RALA: variants seen among roughly 807,000 people sequenced by gnomAD.
RALA encodes RAS like proto-oncogene A.
Under a neutral mutation model 24.0 loss-of-function variants are expected in RALA, and 5 were observed. The observed-to-expected ratio is 0.21, with a 90% CI of 0.11 to 0.44. RALA has a LOEUF of 0.44. RALA is among the 20% of genes least tolerant of loss of function. The pLI is 0.99. For synonymous variants in RALA, 77 were observed against 83.8 expected, an observed-to-expected ratio of 0.92 and a Z score of 0.44; for missense variants, 95 against 241.2, an observed-to-expected ratio of 0.39 and a Z score of 4.01.
At chr7:39,705,985 C>T in intron 4 of RALA, 138 bp from the exon 5 acceptor site, 1 of 692,632 alleles carries the variant, frequency 1.4e-6, no homozygotes, top group African/African-American at 1.9e-5. Context: ...TAGTTTTATG[C>T]TTTCCGCTCT....
intron 1 of RALA, among the ~76,000 whole-genome samples, chr7:39,640,426 ATATCTTCTT>A (rs1791792565): frequency 6.6e-6 from 1 of 152,186 alleles, no homozygotes; most frequent in Non-Finnish European, 1.5e-5. Flanking sequence ...AGCCATTCAC[ATATCTTCTT>A]TGGTGAGATG....
intron 1 of RALA, among the ~76,000 whole-genome samples, chr7:39,629,757 G>C: frequency 6.6e-6 from 1 of 152,004 alleles, no homozygotes; most frequent in Admixed American, 6.6e-5. Context: ...CACCACGCCT[G>C]GCTAATTTTT....
chr7:39,671,372 A>AT (rs1291486234), intron 1 of RALA, among the ~76,000 whole-genome samples: 2 of 152,102 alleles, frequency 1.3e-5, no homozygotes, highest in Admixed American at 1.3e-4. Flanking sequence ...TGTTTTAGAA[A>AT]TTTTTTATAA....
intron 3 of RALA, among the ~76,000 whole-genome samples, chr7:39,691,402 C>T (rs777009491): frequency 1.9e-4 from 29 of 152,096 alleles, no homozygotes; most frequent in Non-Finnish European, 4.0e-4. Flanking sequence ...CCTCTATTTT[C>T]AAGATTCACA....
intron 4 of RALA, among the ~76,000 whole-genome samples, chr7:39,699,851 C>T (rs1792991962): frequency 6.6e-6 from 1 of 152,194 alleles, no homozygotes; most frequent in African/African-American, 2.4e-5. Context: ...TTCATGGACA[C>T]TTGGCCCTCA....
intron 4 of RALA, among the ~76,000 whole-genome samples, chr7:39,699,056 G>A (rs1038629684): frequency 2.6e-5 from 4 of 151,302 alleles, no homozygotes; most frequent in African/African-American, 9.7e-5. Flanking sequence ...TCATATGTTG[G>A]TGGAAGGGCA....
chr7:39,648,986 G>GGAGATCAAGGCTGTGCTGAGCTGTGA (rs551831109), intron 1 of RALA, among the ~76,000 whole-genome samples: 16 of 152,302 alleles, frequency 1.1e-4, no homozygotes, highest in African/African-American at 3.1e-4. Context: ...CTTGAGCCCA[G>GGAGATCAAGGCTGTGCTGAGCTGTGA]GAGATCAAGG....
rs564155898 is a variant in RALA at position 39,675,392 on chromosome 7, T to G, written c.-37-11239T>G. ...TTTGGAGCATGTCCGATCTTCAGGTTAGAGATGCTCAACCTGTATTGATGA... is the reference window on the plus strand; with the variant it reads ...TTTGGAGCATGTCCGATCTTCAGGTGAGAGATGCTCAACCTGTATTGATGA... On this transcript the variant is annotated intron_variant, in intron 1 of 4. Transcript: ENST00000005257. 5.3e-5 allele frequency among the ~76,000 whole-genome samples: 8 copies of G among 152,286 alleles called. No individual in the cohort carries two copies. In the East Asian group the frequency reaches 1.2e-3, roughly 22 times the overall value.
chr7:39,681,302 CTTTTTTTTTTTTTTT>C (rs70996832), intron 1 of RALA, among the ~76,000 whole-genome samples: 26 of 50,052 alleles, frequency 5.2e-4, no homozygotes, highest in Admixed American at 1.0e-3. Flanking sequence ...CACCCTATTC[CTTTTTTTTTTTTTTT>C]TTTTTTTTTT....
intron 1 of RALA, among the ~76,000 whole-genome samples, chr7:39,624,597 G>A (rs886827847): frequency 2.6e-5 from 4 of 152,218 alleles, no homozygotes; most frequent in African/African-American, 9.6e-5. Flanking sequence ...TGGCAGTGTT[G>A]TTTCAGGATT....
chr7:39,631,524 A>G (rs1384293055), intron 1 of RALA, among the ~76,000 whole-genome samples: 1 of 152,220 alleles, frequency 6.6e-6, no homozygotes, highest in Non-Finnish European at 1.5e-5. Context: ...ATGCCCTGCT[A>G]GAGAATTGAC....
chr7:39,689,386 G>A (rs1792774394), intron 2 of RALA, among the ~76,000 whole-genome samples: 1 of 152,158 alleles, frequency 6.6e-6, no homozygotes, highest in South Asian at 2.1e-4. Context: ...AATACACTGT[G>A]TCCATTTTTA....
intron 1 of RALA, among the ~76,000 whole-genome samples, chr7:39,645,252 A>G (rs1791904024): frequency 6.6e-6 from 1 of 152,162 alleles, no homozygotes; most frequent in African/African-American, 2.4e-5. Context: ...AGGGTTTTGT[A>G]GCTTACTTTT....
intron 1 of RALA, among the ~76,000 whole-genome samples, 156 bp from the exon 2 acceptor site, chr7:39,686,475 G>T (rs1279765111): frequency 6.6e-6 from 1 of 152,148 alleles, no homozygotes; most frequent in Non-Finnish European, 1.5e-5. Context: ...ATGGTTCATG[G>T]TTTTTCCCCT....
At chr7:39,667,181 G>C (rs1026395495) in intron 1 of RALA, among the ~76,000 whole-genome samples, 1 of 152,044 alleles carries the variant, frequency 6.6e-6, no homozygotes, top group African/African-American at 2.4e-5. Flanking sequence ...TAAAACTCAG[G>C]CTAATTTTAA....
At chr7:39,687,426 C>CAA (rs1177045271) in intron 2 of RALA, among the ~76,000 whole-genome samples, 9 of 115,560 alleles carry the variant, frequency 7.8e-5, no homozygotes, top group African/African-American at 1.3e-4. Flanking sequence ...GACTCCATCC[C>CAA]AAAAAAAAAA....
At chr7:39,627,524 T>A (rs1293634149) in intron 1 of RALA, among the ~76,000 whole-genome samples, 1 of 152,250 alleles carries the variant, frequency 6.6e-6, no homozygotes, top group Non-Finnish European at 1.5e-5. Flanking sequence ...GGTTTGGTAA[T>A]GTTATTTTGG....
intron 1 of RALA, among the ~76,000 whole-genome samples, chr7:39,671,733 C>T (rs1792392461): frequency 6.6e-6 from 1 of 152,196 alleles, no homozygotes; most frequent in Non-Finnish European, 1.5e-5. Context: ...CCATCAACTA[C>T]TGTACCCTTA....
At chr7:39,650,862 G>A (rs1028097916) in intron 1 of RALA, among the ~76,000 whole-genome samples, 4 of 152,124 alleles carry the variant, frequency 2.6e-5, no homozygotes, top group Non-Finnish European at 5.9e-5. Context: ...CTAGAGAGTC[G>A]GCTTCGTATC....
Sources: gnomAD v4.1 joint callset for allele counts (sites outside exome capture counted in the v4.1 genomes callset) on GRCh38, gnomAD v4.1.1 for gene constraint, MANE v1.5 for transcripts, NCBI Gene and HGNC (gene_info 2026-07-23, HGNC 2026-07-21) for gene names.